Variants in CCDC148 observed in about 807,000 individuals in gnomAD.
CCDC148 encodes the protein coiled-coil domain-containing protein 148.
Under a neutral mutation model 85.7 loss-of-function variants are expected in CCDC148, and 89 were observed. That is an observed-to-expected ratio of 1.04 (90% CI 0.87 to 1.24). The LOEUF is 1.24. Among genes scored for constraint, CCDC148 ranks in the 50% most tolerant of loss-of-function variants. The probability of loss-of-function intolerance (pLI) is 0.00; values close to 1 mark genes in which losing one functional copy is unlikely to be tolerated. For missense variants in CCDC148, 692 were observed against 671.7 expected (o/e 1.03, Z -0.33); for synonymous variants, 230 against 213.9 (o/e 1.08, Z -0.66).
At chr2:158,253,630 AACAAGT>A (rs1688892619) in intron 9 of CCDC148, among the ~76,000 whole-genome samples, 1 of 151,698 alleles carries the variant, frequency 6.6e-6, no homozygotes, top group Admixed American at 6.6e-5. Context: ...ACAGGTGCTC[AACAAGT>A]AACTTTTATT....
At chr2:158,204,128 G>C (rs1410117535) in intron 11 of CCDC148, among the ~76,000 whole-genome samples, 3 of 152,156 alleles carry the variant, frequency 2.0e-5, no homozygotes, top group Non-Finnish European at 4.4e-5. Flanking sequence ...CAATGTGCCA[G>C]ATACAAAGGT....
intron 10 of CCDC148, among the ~76,000 whole-genome samples, chr2:158,223,508 G>A (rs9808469): frequency 0.53 from 80,526 of 151,984 alleles, 23,911 homozygotes; most frequent in East Asian, 0.72. Context: ...ATCTGAGAAC[G>A]GACTGACTGC....
chr2:158,348,359 A>G (rs1365214898), intron 2 of CCDC148, among the ~76,000 whole-genome samples: 1 of 152,006 alleles, frequency 6.6e-6, no homozygotes, highest in East Asian at 1.9e-4. Flanking sequence ...AATCTGCCCA[A>G]TTCAGACTAT....
At chr2:158,173,609 C>T (rs1042604473) in intron 13 of CCDC148, among the ~76,000 whole-genome samples, 1 of 151,940 alleles carries the variant, frequency 6.6e-6, no homozygotes, top group Non-Finnish European at 1.5e-5. Context: ...GTCAGAAACA[C>T]TATGAAAACA....
intron 1 of CCDC148, among the ~76,000 whole-genome samples, chr2:158,400,264 A>C (rs1257780502): frequency 2.6e-5 from 4 of 152,132 alleles, no homozygotes; most frequent in East Asian, 1.9e-4. Context: ...AATCCTAAGC[A>C]AAAAGAACGA....
Position 158,210,787 on chromosome 2 carries a change from CAAAAAA to C in CCDC148, c.1370+9802_1370+9807del, listed in dbSNP as rs34273946. 6.0e-3 allele frequency among the ~76,000 whole-genome samples: 533 copies of C among 89,450 alleles called. 7 individuals are homozygous for C. In the East Asian group the frequency reaches 0.077, roughly 13 times the overall value. The allele number at this position is 89,450 out of a possible 152,430, so 58.7% of individuals were successfully genotyped here. On this transcript the variant is annotated intron_variant, in intron 11 of 13. Coordinates refer to ENST00000283233, the MANE Select transcript of CCDC148 (RefSeq NM_138803.4). Reference sequence around the variant, plus strand: ...TGAAACCGTGTCTCTACTAAAAATACAAAAAAAAAAAAAAAAAAAAAATTAGCCGGG... The same window carrying C: ...TGAAACCGTGTCTCTACTAAAAATACAAAAAAAAAAAAAAAATTAGCCGGG...
intron 7 of CCDC148, among the ~76,000 whole-genome samples, chr2:158,330,467 T>C (rs978681178): frequency 6.6e-6 from 1 of 151,962 alleles, no homozygotes; most frequent in African/African-American, 2.4e-5. Context: ...GTCTAAAATT[T>C]TCTTTTTTTG....
At position 158,455,083 on chromosome 2, in the gene CCDC148, G is replaced by A. The variant is rs141516079; in HGVS notation, c.25+1332C>T. On this transcript the variant is annotated intron_variant, in intron 1 of 13. Transcript: ENST00000283233. ...TAGACACAACTTTCATTCATTTGATGTTATTGAAATTTAAAAGAAGCAAAA... is the reference window on the plus strand; with the variant it reads ...TAGACACAACTTTCATTCATTTGATATTATTGAAATTTAAAAGAAGCAAAA... Among the ~76,000 whole-genome samples the A allele has an allele frequency of 6.6e-4, 101 of 152,244 alleles. 1 individual carries two copies. The highest frequency in any genetic ancestry group is 2.4e-3 in the African/African-American group (98 of 41,530).
At chr2:158,250,958 A>C (rs1308111421) in intron 9 of CCDC148, 46 bp from the exon 10 acceptor site, 1 of 1,547,444 alleles carries the variant, frequency 6.5e-7, no homozygotes, top group Admixed American at 2.0e-5. Flanking sequence ...TGCACACTGA[A>C]GTTATTTCAT....
intron 1 of CCDC148, among the ~76,000 whole-genome samples, chr2:158,441,684 T>G (rs1339145611): frequency 6.6e-6 from 1 of 152,206 alleles, no homozygotes; most frequent in Admixed American, 6.5e-5. Flanking sequence ...ACAGTATTTA[T>G]GATCTGAAAA....
At position 158,226,655 on chromosome 2, in the gene CCDC148, G is replaced by A. The variant is rs572548651; in HGVS notation, c.1252-5942C>T. Among the ~76,000 whole-genome samples the A allele has an allele frequency of 2.5e-3, 375 of 152,158 alleles. 3 individuals carry two copies. Among genetic ancestry groups the A allele is most frequent in the African/African-American group, 8.7e-3 (362 of 41,504 alleles). ...GGGATGCAAGGCTGGTTCAACATAC[G>A]CAAATCAATAAACATAATCCAGCAT... On this transcript the variant is annotated intron_variant, in intron 10 of 13. Coordinates refer to ENST00000283233, the MANE Select transcript of CCDC148 (RefSeq NM_138803.4).
At chr2:158,385,350 T>C (rs537964670) in intron 1 of CCDC148, among the ~76,000 whole-genome samples, 1 of 152,264 alleles carries the variant, frequency 6.6e-6, no homozygotes, top group South Asian at 2.1e-4. Context: ...AGAACATATA[T>C]GCTAGAGGGC....
At chr2:158,253,639 C>A (rs1320065980) in intron 9 of CCDC148, among the ~76,000 whole-genome samples, 3 of 151,580 alleles carry the variant, frequency 2.0e-5, no homozygotes, top group African/African-American at 4.8e-5. Flanking sequence ...CAACAAGTAA[C>A]TTTTATTTAA....
chr2:158,213,944 T>C (rs10179554), intron 11 of CCDC148, among the ~76,000 whole-genome samples: 10,865 of 151,886 alleles, frequency 0.072, 574 homozygotes, highest in African/African-American at 0.15. Context: ...AAAGAACAAC[T>C]ACTGCATGCG....
chr2:158,350,854 A>G (rs566790635), intron 2 of CCDC148, among the ~76,000 whole-genome samples: 125 of 152,266 alleles, frequency 8.2e-4, no homozygotes, highest in African/African-American at 3.0e-3. Flanking sequence ...GGTATTTTGC[A>G]CGGCCATCGT....
intron 12 of CCDC148, 53 bp from the exon 13 acceptor site, chr2:158,176,714 T>A: frequency 6.3e-7 from 1 of 1,597,350 alleles, no homozygotes; most frequent in South Asian, 1.1e-5. Context: ...TAAATATTTC[T>A]GGGCAACATT....
intron 7 of CCDC148, among the ~76,000 whole-genome samples, chr2:158,337,137 G>A (rs1054611551): frequency 6.6e-6 from 1 of 152,180 alleles, no homozygotes; most frequent in African/African-American, 2.4e-5. Flanking sequence ...AAAATGGGCT[G>A]TGAAGAATAA....
At chr2:158,200,907 TA>T (rs1372067157) in intron 11 of CCDC148, among the ~76,000 whole-genome samples, 1 of 152,218 alleles carries the variant, frequency 6.6e-6, no homozygotes, top group Non-Finnish European at 1.5e-5. Flanking sequence ...TGTTATTTTC[TA>T]AATCTATCAT....
chr2:158,237,993 A>G (rs1236905684), intron 10 of CCDC148, among the ~76,000 whole-genome samples: 2 of 152,182 alleles, frequency 1.3e-5, no homozygotes, highest in Non-Finnish European at 2.9e-5. Context: ...CAAAGAATTG[A>G]TCATTGAAAT....
Sources: gnomAD v4.1 joint callset for allele counts (sites outside exome capture counted in the v4.1 genomes callset) on GRCh38, gnomAD v4.1.1 for gene constraint, MANE v1.5 for transcripts, NCBI Gene and HGNC (gene_info 2026-07-23, HGNC 2026-07-21) for gene names.